EEA1: variants seen among roughly 807,000 people sequenced by gnomAD.
EEA1 encodes early endosome antigen 1, 162kD.
In EEA1, 111 loss-of-function variants were observed where a neutral mutation model predicts 209.2. The observed-to-expected ratio is 0.53, with a 90% confidence interval of 0.45 to 0.62. The LOEUF is 0.62. EEA1 is among the 20% of genes least tolerant of loss of function. The probability of loss-of-function intolerance (pLI) is 0.00; values close to 1 mark genes in which losing one functional copy is unlikely to be tolerated. For missense variants in EEA1, 1,343 were observed against 1,530.8 expected (o/e 0.88, Z 2.05); for synonymous variants, 536 against 540.6 (o/e 0.99, Z 0.12).
chr12:92,927,540 T>A (rs1881256492), intron 1 of EEA1, among the ~76,000 whole-genome samples: 1 of 152,162 alleles, frequency 6.6e-6, no homozygotes, highest in Non-Finnish European at 1.5e-5. Context: ...TGAAAACCAA[T>A]CTATAACTAC....
chr12:92,853,818 G>T, intron 6 of EEA1, 97 bp downstream of exon 6: 1 of 1,096,488 alleles, frequency 9.1e-7, no homozygotes, highest in Non-Finnish European at 1.3e-6. Flanking sequence ...GCATAACCAT[G>T]AAACAAAATT....
intron 3 of EEA1, among the ~76,000 whole-genome samples, chr12:92,861,759 T>A (rs1878163985): frequency 2.0e-5 from 3 of 151,452 alleles, no homozygotes; most frequent in South Asian, 4.1e-4. Context: ...ATTACATATA[T>A]TTATATATTT....
At chr12:92,915,462 C>A (rs1880730574) in intron 1 of EEA1, among the ~76,000 whole-genome samples, 1 of 151,944 alleles carries the variant, frequency 6.6e-6, no homozygotes, top group Admixed American at 6.6e-5. Context: ...AGGGCAAGAA[C>A]CTGTCTTAAA....
At chr12:92,851,638 G>C (rs1227703412) in intron 8 of EEA1, among the ~76,000 whole-genome samples, 3 of 152,122 alleles carry the variant, frequency 2.0e-5, no homozygotes, top group East Asian at 1.9e-4. Flanking sequence ...TGAAAGCATA[G>C]AGTTTGCTCC....
At chr12:92,832,069 G>C (rs1378069402) in intron 11 of EEA1, among the ~76,000 whole-genome samples, 3 of 149,722 alleles carry the variant, frequency 2.0e-5, no homozygotes, top group African/African-American at 7.4e-5. Context: ...AGTCCGGCCT[G>C]GGCGACAGAG....
chr12:92,810,984 T>G (rs1386114558), intron 17 of EEA1, among the ~76,000 whole-genome samples: 1 of 152,110 alleles, frequency 6.6e-6, no homozygotes, highest in East Asian at 1.9e-4. Context: ...GAGAAGTTCC[T>G]TGTAATGGTA....
In EEA1 at chr12:92,884,347, A is replaced by AAG. The variant is rs1467357092; in HGVS notation, c.117+7280_117+7281dup. The stretch of plus-strand genomic sequence containing the variant: ...AGATGGCTAGGGCTTTATCCAGCCA[A>AAG]AGAGGCTGAAGTGGTTCTAGAAACT... On this transcript the variant is annotated intron_variant, in intron 2 of 28. Transcript: ENST00000322349. 7.2e-6 allele frequency: 9 copies of AAG among 1,247,656 alleles called. No individual in the cohort carries two copies. The African/African-American group carries it at 1.3e-4, about 18-fold the overall frequency. The allele number at this position is 1,247,656 out of a possible 1,614,324, so 77.3% of individuals were successfully genotyped here. A position where few individuals can be genotyped will look rare whatever the true frequency, so the allele number is the denominator to read the frequency against.
chr12:92,913,963 A>G (rs961384468), intron 1 of EEA1, among the ~76,000 whole-genome samples: 4 of 152,192 alleles, frequency 2.6e-5, no homozygotes, highest in African/African-American at 4.8e-5. Flanking sequence ...TTGAGGTCTT[A>G]CATCTAAGTC....
chr12:92,856,563 A>G (rs1877890346), intron 5 of EEA1, among the ~76,000 whole-genome samples: 2 of 151,850 alleles, frequency 1.3e-5, no homozygotes, highest in African/African-American at 4.8e-5. Flanking sequence ...CTAACATAAT[A>G]CATAATATTA....
At chr12:92,798,207 G>T (rs1480700012) in intron 21 of EEA1, among the ~76,000 whole-genome samples, 3 of 152,122 alleles carry the variant, frequency 2.0e-5, no homozygotes, top group African/African-American at 7.2e-5. Flanking sequence ...TTACACTAGT[G>T]AATGTTTTTA....
At chr12:92,880,850 A>C (rs1161689688) in intron 2 of EEA1, among the ~76,000 whole-genome samples, 1 of 152,192 alleles carries the variant, frequency 6.6e-6, no homozygotes, top group East Asian at 1.9e-4. Flanking sequence ...TCTGCCAAGT[A>C]CAGCTAAAAT....
intron 10 of EEA1, among the ~76,000 whole-genome samples, chr12:92,833,818 G>A (rs1165192054): frequency 6.6e-6 from 1 of 152,136 alleles, no homozygotes; most frequent in African/African-American, 2.4e-5. Context: ...AACCTTCTAA[G>A]AAAGTTAAAA....
chr12:92,858,919 T>C (rs1426692828), intron 3 of EEA1: 4 of 703,410 alleles, frequency 5.7e-6, no homozygotes, highest in East Asian at 2.7e-5. Context: ...GGGGTGTTCA[T>C]GGAGGAGGTG....
intron 2 of EEA1, among the ~76,000 whole-genome samples, chr12:92,877,248 A>T (rs2136738008): frequency 6.7e-6 from 1 of 150,106 alleles, no homozygotes; most frequent in Non-Finnish European, 1.5e-5. Flanking sequence ...AAGTGCTGAG[A>T]TTTCAGGCAT....
In EEA1 at chr12:92,814,140, G is replaced by GT. The variant is rs1565819206; in HGVS notation, c.1930-1048_1930-1047insA. On this transcript the variant is annotated intron_variant, in intron 15 of 28. Transcript: ENST00000322349. ...CATTCTTTTAGCTGGTTGAAGAGAG[G>GT]ATCAATGAACATAAGAAATCTAAGA... is the stretch of plus-strand genomic sequence containing the variant. Among the ~76,000 whole-genome samples, 8 of 152,134 alleles carry GT rather than the reference G, an allele frequency of 5.3e-5. No homozygotes were observed. In the East Asian group the frequency reaches 1.5e-3, roughly 29 times the overall value.
intron 20 of EEA1, among the ~76,000 whole-genome samples, chr12:92,799,685 G>A (rs1874816456): frequency 6.6e-6 from 1 of 152,060 alleles, no homozygotes; most frequent in Non-Finnish European, 1.5e-5. Context: ...TACTCGGGAG[G>A]TTGAGGCAGG....
At chr12:92,893,119 C>T (rs1453614493) in intron 1 of EEA1, among the ~76,000 whole-genome samples, 2 of 152,182 alleles carry the variant, frequency 1.3e-5, no homozygotes, top group African/African-American at 4.8e-5. Flanking sequence ...TCCCCCTGTA[C>T]CATTTATCAC....
At chr12:92,823,503 TAA>T (rs1199083400) in intron 13 of EEA1, among the ~76,000 whole-genome samples, 1 of 152,210 alleles carries the variant, frequency 6.6e-6, no homozygotes, top group Non-Finnish European at 1.5e-5. Context: ...TTGTCACTTT[TAA>T]AAAGTTTTCC....
chr12:92,855,418 C>G (rs980626448), intron 5 of EEA1, among the ~76,000 whole-genome samples: 1 of 137,678 alleles, frequency 7.3e-6, no homozygotes. Context: ...GGTGACAGAG[C>G]GAGACTCTGT....
Sources: allele counts gnomAD v4.1 joint callset (sites outside exome capture counted in the v4.1 genomes callset), GRCh38; gene constraint gnomAD v4.1.1; transcripts MANE v1.5; gene names NCBI Gene and HGNC (gene_info 2026-07-23, HGNC 2026-07-21).